LIG4: variants seen among roughly 807,000 people sequenced by gnomAD.
The protein encoded by LIG4 is DNA joinase.
LIG4 carries 13 observed loss-of-function variants against 19.0 expected under a neutral mutation model. The observed-to-expected ratio is 0.68, with a 90% confidence interval of 0.44 to 1.09. The LOEUF (loss-of-function observed/expected upper bound fraction) is 1.09, where lower values mean the gene tolerates loss of function less well. Ranked by LOEUF, LIG4 falls within the 50% of genes least tolerant of loss-of-function variation. The pLI, the probability that LIG4 is intolerant of heterozygous loss-of-function variation, is 0.00. For synonymous variants in LIG4, 361 were observed against 358.2 expected (o/e 1.01, Z -0.09); for missense variants, 1,026 against 1,089.7 (o/e 0.94, Z 0.82).
chr13:108,213,951 T>C (rs555885732), intron 2 of LIG4, among the ~76,000 whole-genome samples: 1 of 152,296 alleles, frequency 6.6e-6, no homozygotes, highest in East Asian at 1.9e-4. Context: ...TTGCAAAATA[T>C]TAACGAGATA....
Position 108,210,164 on chromosome 13 carries a change from C to T in LIG4, c.1105G>A (p.Val369Ile), listed in dbSNP as rs1452796111. The change falls in exon 3 of 3, where the codon GTA (valine) becomes ATA (isoleucine). Residue 369 changes from valine (V) to isoleucine (I), a missense_variant. Around this residue, in one of 3 missense-constraint regions of LIG4, gnomAD observed 493 missense variants for 544.5 expected, o/e 0.91. Transcript: ENST00000442234. The stretch of plus-strand genomic sequence containing the variant: ...AGCTTTTTATTATTAACCATCAATA[C>T]ATCAAAAACACAATAACAAGTTTGC... ...DLQTCYCVFDVLMVNNKKLGH... is the reference protein window; with the variant it reads ...DLQTCYCVFDILMVNNKKLGH... The T allele has an allele frequency of 1.9e-6, 3 of 1,613,658 alleles. No individual in the cohort carries two copies. The highest frequency in any genetic ancestry group is 2.5e-6 in the Non-Finnish European group (3 of 1,179,934).
Position 108,209,485 on chromosome 13 carries a change from G to T in LIG4, c.1784C>A (p.Thr595Asn), listed in dbSNP as rs1365438600. The stretch of plus-strand genomic sequence containing the variant: ...CCTAAGTTGTTCTAGGTCGTCCAGG[G>T]TCATGCACTCATGCCACTCCTTGTC... Reference protein sequence around the residue: ...RDDKEWHECMTLDDLEQLRGK... With the variant: ...RDDKEWHECMNLDDLEQLRGK... The change falls in exon 3 of 3, where the codon ACC (threonine) becomes AAC (asparagine). Residue 595 changes from threonine to asparagine, a missense_variant. Thr to Asn is a moderately conservative substitution (Grantham distance 65, BLOSUM62 0). Around this residue, in one of 3 missense-constraint regions of LIG4, gnomAD observed 521 missense variants for 515.5 expected, o/e 1.01. Coordinates refer to ENST00000442234, the MANE Select transcript of LIG4 (RefSeq NM_206937.2). 6.2e-7 allele frequency: 1 copy of T among 1,614,106 alleles called. No individual in the cohort carries two copies. The highest frequency in any genetic ancestry group is 1.1e-5 in the South Asian group (1 of 91,070).
At chr13:108,217,417 G>A (rs762389879), upstream of LIG4, among the ~76,000 whole-genome samples, 1 of 152,248 alleles carries the variant, frequency 6.6e-6, no homozygotes, top group East Asian at 1.9e-4. Context: ...TACTCCGGAG[G>A]CTGAGGCAGG....
rs1878089185 is a variant in LIG4, at chr13:108,207,927, T to C, written c.*606A>G. The C allele has an allele frequency of 6.8e-6, 1 of 147,994 alleles. No individual in the cohort carries two copies. The highest frequency in any genetic ancestry group is 1.5e-5 in the Non-Finnish European group (1 of 65,774). The allele number at this position is 147,994 out of a possible 1,614,324, so 9.2% of individuals were successfully genotyped here. On this transcript the variant is annotated 3_prime_UTR_variant, in exon 3 of 3. Transcript: ENST00000442234. ...ACCAATTCAATTTTAAGTTTTTAGATCATTAAGTCTCATACAACTTCCTCT... is the reference window on the plus strand; with the variant it reads ...ACCAATTCAATTTTAAGTTTTTAGACCATTAAGTCTCATACAACTTCCTCT...
Position 108,208,501 on chromosome 13 carries a change from A to C in LIG4, c.*32T>G, listed in dbSNP as rs1244363925. ...CCACCTGCTGCAATGAGTCTGCCAG[A>C]TCAGAGGCTTTCCTCACTAGGAAAC... On this transcript the variant is annotated 3_prime_UTR_variant, in exon 3 of 3. Coordinates refer to ENST00000442234, the MANE Select transcript of LIG4 (RefSeq NM_206937.2). The C allele has an allele frequency of 2.2e-6, 3 of 1,395,112 alleles. No individual in the cohort carries two copies. Among genetic ancestry groups the C allele is most frequent in the South Asian group, 2.3e-5 (2 of 85,404 alleles). 86.4% of individuals were successfully genotyped at this position (1,395,112 alleles called of 1,614,324 possible).
rs1172875704 is a variant in LIG4, at chr13:108,215,467, C to G, written c.-102+17G>C. ...ACCTCCCAACCGCCCCCACCTGCCA[C>G]CCCACACCCTTCCCACCTGACGTCA... On this transcript the variant is annotated intron_variant, in intron 1 of 2. Transcript: ENST00000442234. 1 of 118,652 alleles carries G rather than the reference C, an allele frequency of 8.4e-6. No homozygotes were observed. The highest frequency in any genetic ancestry group is 1.8e-5 in the Non-Finnish European group (1 of 56,248). The allele number at this position is 118,652 out of a possible 1,614,324, so 7.3% of individuals were successfully genotyped here.
Position 108,211,590 on chromosome 13 carries a change from G to A in LIG4, c.-28-294C>T, listed in dbSNP as rs3093759. On this transcript the variant is annotated intron_variant, in intron 2 of 2. Transcript: ENST00000442234. ...TCTCTTTAAATTCCAGTTATTCTAT[G>A]TATTAATTATTTAGCACATAATACA... 0.14 allele frequency among the ~76,000 whole-genome samples: 21,287 copies of A among 151,990 alleles called. 1,683 individuals carry two copies. Among genetic ancestry groups the A allele is most frequent in the Non-Finnish European group, 0.17 (11,680 of 67,942 alleles).
chr13:108,209,898 T>C lies in LIG4; in HGVS notation c.1371A>G (p.Gly457=), dbSNP rs1566364084. 1 of 1,614,196 alleles carries C rather than the reference T, an allele frequency of 6.2e-7. No individual in the cohort carries two copies. The part of the protein sequence containing the change: ...WLKIKPEYVS[G]LMDELDILIV... ...TTAAAATGTCCAATTCATCCATTAG[T>C]CCACTGACATACTCTGGTTTAATTT... The change falls in exon 3 of 3, where the codon GGA becomes GGG. Residue 457 remains glycine, a synonymous_variant. Transcript: ENST00000442234.
chr13:108,209,322 A>G lies in LIG4; in HGVS notation c.1947T>C (p.Leu649=). 1 of 1,614,058 alleles carries G rather than the reference A, an allele frequency of 6.2e-7. No individual in the cohort carries two copies. The highest frequency in any genetic ancestry group is 2.2e-5 in the East Asian group (1 of 44,884). The stretch of plus-strand genomic sequence containing the variant: ...TATTAGAAATTTTGTTAACGTTAGT[A>G]AGGTTAGGTGCTTTTAAGTGCTCAA... ...GIIEHLKAPN[L]TNVNKISNIF... The change falls in exon 3 of 3, where the codon CTT becomes CTC. Residue 649 remains leucine, a synonymous_variant. Transcript: ENST00000442234.
chr13:108,208,674 A>T lies in LIG4; in HGVS notation c.2595T>A (p.Ile865=), dbSNP rs766112279. Reference sequence around the variant, plus strand: ...CTGCAACACGACTATGATCTTCCCCAATTATTACATGAGACACTCCCTCAG... The same window carrying T: ...CTGCAACACGACTATGATCTTCCCCTATTATTACATGAGACACTCCCTCAG... ...CLAEGVSHVI[I]GEDHSRVADF... Residue 865 remains isoleucine (I), a synonymous_variant, in exon 3 of 3, where the codon ATT becomes ATA. Transcript: ENST00000442234. 1.2e-6 allele frequency: 2 copies of T among 1,614,034 alleles called. No individual in the cohort carries two copies. The highest frequency in any genetic ancestry group is 2.2e-5 in the South Asian group (2 of 91,086).
At position 108,208,443 on chromosome 13, in the gene LIG4, A is replaced by T. The variant is rs573957541; in HGVS notation, c.*90T>A. On this transcript the variant is annotated 3_prime_UTR_variant, in exon 3 of 3. Transcript: ENST00000442234. The stretch of plus-strand genomic sequence containing the variant: ...TTTTAGGCATAGATTTTTAAGATAC[A>T]AAAATAAAATGTAGTTTAGTATTTT... The T allele has an allele frequency of 3.8e-6, 3 of 797,654 alleles. No homozygotes were observed. The Admixed American group carries it at 7.9e-5, about 21-fold the overall frequency. 49.4% of individuals were successfully genotyped at this position (797,654 alleles called of 1,614,324 possible). A position where few individuals can be genotyped will look rare whatever the true frequency, so the allele number is the denominator to read the frequency against.
chr13:108,211,396 TTTA>T, intron 2 of LIG4, 100 bp from the exon 3 acceptor site: 1 of 735,852 alleles, frequency 1.4e-6, no homozygotes, highest in Non-Finnish European at 2.3e-6. Flanking sequence ...ATAATAAATG[TTTA>T]TTAATGTTTA....
At position 108,211,230 on chromosome 13, in the gene LIG4, G is replaced by A. The variant is rs1238224483; in HGVS notation, c.39C>T (p.His13=). The change falls in exon 3 of 3, where the codon CAC becomes CAT. Residue 13 remains histidine, a synonymous_variant. Transcript: ENST00000442234. ...ASQTSQTVAS[H]VPFADLCSTL... is the part of the protein sequence containing the mutation. ...TTGAACACAAATCTGCAAAAGGAAC[G>A]TGAGATGCAACAGTTTGTGAAGTTT... 12 of 1,612,842 alleles carry A rather than the reference G, an allele frequency of 7.4e-6. No individual in the cohort carries two copies. The highest frequency in any genetic ancestry group is 1.7e-5 in the Admixed American group (1 of 59,998).
rs552902157 is a variant in LIG4 at position 108,211,283 on chromosome 13, A to G, written c.-15T>C. ...GAGGCAGCCATCAAAGCGGTGATGA[A>G]TCTTCTCGTTTAACTAGTAAAGCAA... On this transcript the variant is annotated 5_prime_UTR_variant, in exon 3 of 3. Transcript: ENST00000442234. 14 of 1,592,736 alleles carry G rather than the reference A, an allele frequency of 8.8e-6. No individual in the cohort carries two copies. Among genetic ancestry groups the G allele is most frequent in the Non-Finnish European group, 1.2e-5 (14 of 1,162,812 alleles).
upstream of LIG4, among the ~76,000 whole-genome samples, chr13:108,216,663 A>G (rs909062716): frequency 6.6e-6 from 1 of 152,150 alleles, no homozygotes; most frequent in Admixed American, 6.5e-5. Context: ...TTTATTTTGG[A>G]GGAAAAATGA....
Position 108,207,981 on chromosome 13 carries a change from T to A in LIG4, c.*552A>T, listed in dbSNP as rs1382993035. 1 of 152,364 alleles carries A rather than the reference T, an allele frequency of 6.6e-6. No homozygotes were observed. The highest frequency in any genetic ancestry group is 2.4e-5 in the African/African-American group (1 of 41,472). 9.4% of individuals were successfully genotyped at this position (152,364 alleles called of 1,614,324 possible). Reference sequence around the variant, plus strand: ...TTAGCTAAAACCATCGACAGGGTTTTATTGTTACATTTGGCCTTAACCTTA... The same window carrying A: ...TTAGCTAAAACCATCGACAGGGTTTAATTGTTACATTTGGCCTTAACCTTA... On this transcript the variant is annotated 3_prime_UTR_variant, in exon 3 of 3. Coordinates refer to ENST00000442234, the MANE Select transcript of LIG4 (RefSeq NM_206937.2).
In LIG4 at chr13:108,209,761, A is replaced by G; in HGVS notation, c.1508T>C (p.Leu503Pro). 2.5e-6 allele frequency: 4 copies of G among 1,614,138 alleles called. No individual in the cohort carries two copies. Among genetic ancestry groups the G allele is most frequent in the Non-Finnish European group, 3.4e-6 (4 of 1,180,014 alleles). Reference protein sequence around the residue: ...PGEKPSVFHTLSRVGSGCTMK... With the variant: ...PGEKPSVFHTPSRVGSGCTMK... ...GGTGCAGCCAGACCCAACACGAGAGAGAGTATGAAACACAGATGGCTTCTC... is the reference window on the plus strand; with the variant it reads ...GGTGCAGCCAGACCCAACACGAGAGGGAGTATGAAACACAGATGGCTTCTC... The change falls in exon 3 of 3, where the codon CTC becomes CCC. Residue 503 changes from leucine (L) to proline (P), a missense_variant. By Grantham distance (98) the Leu-to-Pro change is moderately conservative. This residue lies in a region of LIG4 where 521 missense variants were observed against 515.5 expected (regional missense o/e 1.01). Transcript: ENST00000442234.
Position 108,208,670 on chromosome 13 carries a change from C to CCCCAATTATT in LIG4, c.2589_2598dup (p.Glu867AsnfsTer7). 1 of 1,614,112 alleles carries CCCCAATTATT rather than the reference C, an allele frequency of 6.2e-7. No individual in the cohort carries two copies. The highest frequency in any genetic ancestry group is 8.5e-7 in the Non-Finnish European group (1 of 1,179,978). On this transcript the variant is annotated frameshift_variant, in exon 3 of 3. Transcript: ENST00000442234. LOFTEE classifies it high-confidence loss of function. The stretch of plus-strand genomic sequence containing the variant: ...AAATCTGCAACACGACTATGATCTT[C>CCCCAATTATT]CCCAATTATTACATGAGACACTCCC...
chr13:108,210,252 T>C lies in LIG4; in HGVS notation c.1017A>G (p.Thr339=), dbSNP rs1191214623. ...TAGTTCCCTTTTGCATGAAAGTTTG[T>C]GTATTAGGATTATAGGCCATCATCT... is the stretch of plus-strand genomic sequence containing the variant. ...DGEMMAYNPN[T]QTFMQKGTKF... is the part of the protein sequence containing the mutation. The change falls in exon 3 of 3, where the codon ACA becomes ACG. Residue 339 remains threonine (T), a synonymous_variant. Coordinates refer to ENST00000442234, the MANE Select transcript of LIG4 (RefSeq NM_206937.2). The C allele has an allele frequency of 9.9e-6, 16 of 1,613,662 alleles. No homozygotes were observed. The highest frequency in any genetic ancestry group is 2.7e-5 in the African/African-American group (2 of 74,902).
Sources: allele counts gnomAD v4.1 joint callset (sites outside exome capture counted in the v4.1 genomes callset), GRCh38; gene constraint gnomAD v4.1.1; regional missense constraint gnomAD v4.1.1; transcripts MANE v1.5; gene names NCBI Gene and HGNC (gene_info 2026-07-23, HGNC 2026-07-21).